The following C12orf56 variants were observed in gnomAD, a reference collection of about 807,000 sequenced individuals.
The protein encoded by C12orf56 is chromosome 12 open reading frame 56, also known as uncharacterized protein C12orf56.
In C12orf56, 71 loss-of-function variants were observed where a neutral mutation model predicts 69.9. The ratio of observed to expected loss-of-function variants is 1.02; its 90% CI spans 0.84 to 1.24. C12orf56 has a LOEUF of 1.24. C12orf56 is among the 50% of genes most tolerant of loss of function. The pLI is 0.00. For missense variants in C12orf56, 732 were observed against 738.5 expected, an observed-to-expected ratio of 0.99 and a Z score of 0.10; for synonymous variants, 276 against 274.1, an observed-to-expected ratio of 1.01 and a Z score of -0.07.
chr12:64,363,991 C>T (rs567769988), intron 1 of C12orf56, among the ~76,000 whole-genome samples: 2 of 151,582 alleles, frequency 1.3e-5, no homozygotes, highest in Non-Finnish European at 2.9e-5. Context: ...AATTCATTTC[C>T]GTTTTTTCTT....
At chr12:64,366,063 T>TTATATATTA (rs2039471928) in intron 1 of C12orf56, among the ~76,000 whole-genome samples, 1 of 89,890 alleles carries the variant, frequency 1.1e-5, no homozygotes, top group South Asian at 3.3e-4. Context: ...AATATATAGC[T>TTATATATTA]TGTATAATAT....
chr12:64,388,386 A>T (rs1037826934), intron 1 of C12orf56, among the ~76,000 whole-genome samples: 3 of 152,084 alleles, frequency 2.0e-5, no homozygotes, highest in African/African-American at 7.2e-5. Context: ...AGCTTGTACC[A>T]CCGGCATGCA....
intron 1 of C12orf56, among the ~76,000 whole-genome samples, chr12:64,370,601 A>G (rs1365817538): frequency 6.6e-6 from 1 of 151,916 alleles, no homozygotes; most frequent in Non-Finnish European, 1.5e-5. Context: ...CAGTGAGCTG[A>G]AATTGTGCCA....
chr12:64,288,753 C>G (rs1283628401), intron 6 of C12orf56, among the ~76,000 whole-genome samples: 2 of 146,272 alleles, frequency 1.4e-5, no homozygotes, highest in African/African-American at 2.5e-5. Context: ...GTTACTGTAG[C>G]CTTGTAGTAT....
At chr12:64,321,398 C>T (rs1374932536) in intron 3 of C12orf56, among the ~76,000 whole-genome samples, 2 of 152,220 alleles carry the variant, frequency 1.3e-5, no homozygotes, top group African/African-American at 4.8e-5. Flanking sequence ...TGGTCTTAAA[C>T]TCCTGCCCTC....
chr12:64,301,261 T>C (rs2038441990), intron 6 of C12orf56, among the ~76,000 whole-genome samples: 1 of 152,148 alleles, frequency 6.6e-6, no homozygotes, highest in East Asian at 1.9e-4. Flanking sequence ...AAGGCTGGGA[T>C]GTAACAAAAA....
At chr12:64,365,850 G>GTATTATATATAGTGTATATATTATA (rs2039465658) in intron 1 of C12orf56, among the ~76,000 whole-genome samples, 1 of 133,844 alleles carries the variant, frequency 7.5e-6, no homozygotes, top group Admixed American at 8.0e-5. Flanking sequence ...TGTATATATT[G>GTATTATATATAGTGTATATATTATA]TATTATATAT....
At chr12:64,338,152 G>A (rs1193032951) in intron 2 of C12orf56, 23 of 558,544 alleles carry the variant, frequency 4.1e-5, no homozygotes, top group East Asian at 2.9e-4. Context: ...AGCTGAGGAC[G>A]AGCTCCACCT....
intron 8 of C12orf56, among the ~76,000 whole-genome samples, chr12:64,280,493 G>A (rs1259209273): frequency 6.6e-6 from 1 of 152,162 alleles, no homozygotes; most frequent in Non-Finnish European, 1.5e-5. Context: ...TTCCCAGCCT[G>A]CTGGTACAAA....
chr12:64,373,690 T>C (rs1296632842), intron 1 of C12orf56, among the ~76,000 whole-genome samples: 2 of 152,214 alleles, frequency 1.3e-5, no homozygotes, highest in East Asian at 1.9e-4. Flanking sequence ...TTTGTTGTAA[T>C]TTAATGAGTC....
chr12:64,294,778 T>A (rs1388649290), intron 6 of C12orf56, among the ~76,000 whole-genome samples: 1 of 152,048 alleles, frequency 6.6e-6, no homozygotes, highest in Non-Finnish European at 1.5e-5. Flanking sequence ...TTTTGATGGC[T>A]GATTGTGAAT....
chr12:64,278,139 C>T (rs1050516330), intron 8 of C12orf56, among the ~76,000 whole-genome samples: 2 of 151,992 alleles, frequency 1.3e-5, no homozygotes, highest in Admixed American at 1.3e-4. Flanking sequence ...TTGCTAATTC[C>T]AGACAATATT....
intron 5 of C12orf56, 135 bp from the exon 6 acceptor site, chr12:64,303,914 T>A: frequency 9.7e-7 from 1 of 1,035,252 alleles, no homozygotes; most frequent in Non-Finnish European, 1.3e-6. Context: ...CTCCTAGCCT[T>A]AATACTCACC....
At chr12:64,296,098 T>A (rs888644958) in intron 6 of C12orf56, among the ~76,000 whole-genome samples, 48 of 152,252 alleles carry the variant, frequency 3.2e-4, no homozygotes, top group African/African-American at 1.2e-3. Context: ...CTAATACAGA[T>A]TTTGGTACCA....
chr12:64,364,738 T>C (rs550004550), intron 1 of C12orf56, among the ~76,000 whole-genome samples: 62 of 152,190 alleles, frequency 4.1e-4, no homozygotes, highest in African/African-American at 1.4e-3. Context: ...GCTGTGAATA[T>C]AAAAGCGTTT....
At chr12:64,362,111 C>G (rs569274769) in intron 1 of C12orf56, among the ~76,000 whole-genome samples, 1 of 152,216 alleles carries the variant, frequency 6.6e-6, no homozygotes, top group African/African-American at 2.4e-5. Flanking sequence ...TCCAAGAACC[C>G]TTTCTTGGGG....
intron 6 of C12orf56, among the ~76,000 whole-genome samples, chr12:64,297,555 C>A (rs964169114): frequency 2.6e-5 from 4 of 152,150 alleles, no homozygotes; most frequent in African/African-American, 9.6e-5. Context: ...GCCGACAGGC[C>A]CCAATGTGTG....
chr12:64,374,941 A>T (rs958115266), intron 1 of C12orf56, among the ~76,000 whole-genome samples: 18 of 151,976 alleles, frequency 1.2e-4, no homozygotes, highest in Non-Finnish European at 2.5e-4. Context: ...CATTGTTGAA[A>T]TTTGCTGTTT....
rs1271008078 is a variant in C12orf56, at chr12:64,329,486, A to T, written c.488+1474T>A. On this transcript the variant is annotated intron_variant, in intron 3 of 12. Coordinates refer to ENST00000543942, the MANE Select transcript of C12orf56 (RefSeq NM_001170633.2). ...CACAATCGTCGGATTATTTTTCTGT[A>T]GTAATGGTTTATTTATTTATTTATT... Among the ~76,000 whole-genome samples, 15 of 148,100 alleles carry T rather than the reference A, an allele frequency of 1.0e-4. No homozygotes were observed. The Admixed American group carries it at 1.0e-3, about 10-fold the overall frequency.
Sources: allele counts gnomAD v4.1 joint callset (sites outside exome capture counted in the v4.1 genomes callset), GRCh38; gene constraint gnomAD v4.1.1; transcripts MANE v1.5; gene names NCBI Gene and HGNC (gene_info 2026-07-23, HGNC 2026-07-21).